Variants in CRYZL1 observed in about 807,000 individuals in gnomAD.
CRYZL1 encodes the protein ferry endosomal RAB5 effector complex subunit 4.
Under a neutral mutation model 50.6 loss-of-function variants are expected in CRYZL1, and 34 were observed. That is an observed-to-expected ratio of 0.67 (90% CI 0.51 to 0.89). The LOEUF is 0.89. Among genes scored for constraint, CRYZL1 ranks in the 40% least tolerant of loss-of-function variants. CRYZL1 has a pLI of 0.00. For missense variants in CRYZL1, 354 were observed against 402.3 expected (o/e 0.88, Z 1.03); for synonymous variants, 125 against 134.3 (o/e 0.93, Z 0.48).
chr21:33,614,404 G>A (rs540075960), intron 5 of CRYZL1, among the ~76,000 whole-genome samples: 1 of 152,092 alleles, frequency 6.6e-6, no homozygotes, highest in African/African-American at 2.4e-5. Flanking sequence ...CAGGAGGACT[G>A]CTTGAGTCCA....
chr21:33,637,271 C>T (rs904766051), intron 1 of CRYZL1, among the ~76,000 whole-genome samples: 1 of 151,860 alleles, frequency 6.6e-6, no homozygotes, highest in African/African-American at 2.4e-5. Context: ...CGGTGAAACC[C>T]CGTCTCTACT....
intron 11 of CRYZL1, among the ~76,000 whole-genome samples, chr21:33,593,500 T>A (rs534160821): frequency 6.6e-6 from 1 of 152,250 alleles, no homozygotes; most frequent in African/African-American, 2.4e-5. Flanking sequence ...AATTCTTACC[T>A]GTGTGCAAAG....
At chr21:33,595,186 C>T in intron 11 of CRYZL1, 1 of 1,132,542 alleles carries the variant, frequency 8.8e-7, no homozygotes, top group East Asian at 6.4e-5. Flanking sequence ...GCTTCAATCA[C>T]ACCAGACTTA....
intron 1 of CRYZL1, among the ~76,000 whole-genome samples, chr21:33,631,854 G>C (rs1456887510): frequency 6.6e-6 from 1 of 152,030 alleles, no homozygotes; most frequent in African/African-American, 2.4e-5. Context: ...CCTTATGATG[G>C]CCAGAGAAAC....
At chr21:33,596,909 C>T (rs1157862213) in intron 10 of CRYZL1, among the ~76,000 whole-genome samples, 1 of 150,536 alleles carries the variant, frequency 6.6e-6, no homozygotes, top group African/African-American at 2.4e-5. Context: ...GTGACCCAGG[C>T]TGGTGTGGAG....
At chr21:33,609,462 G>T (rs1376363671) in intron 6 of CRYZL1, among the ~76,000 whole-genome samples, 1 of 151,894 alleles carries the variant, frequency 6.6e-6, no homozygotes, top group Non-Finnish European at 1.5e-5. Flanking sequence ...ACCATATCTA[G>T]TTATTATTTA....
chr21:33,613,268 G>T (rs916459777), intron 6 of CRYZL1, among the ~76,000 whole-genome samples: 2 of 152,162 alleles, frequency 1.3e-5, no homozygotes, highest in African/African-American at 4.8e-5. Flanking sequence ...AGCCAAGAGA[G>T]AAATCACTTT....
chr21:33,592,085 A>G (rs1196672320), intron 11 of CRYZL1, among the ~76,000 whole-genome samples: 4 of 150,984 alleles, frequency 2.6e-5, no homozygotes, highest in Non-Finnish European at 4.4e-5. Context: ...TACTATGTAG[A>G]TAGTGGTTAT....
At chr21:33,593,539 A>G (rs746100314) in intron 11 of CRYZL1, among the ~76,000 whole-genome samples, 1 of 152,252 alleles carries the variant, frequency 6.6e-6, no homozygotes, top group Admixed American at 6.5e-5. Flanking sequence ...GAAAATGTAC[A>G]GTATTTCATA....
intron 1 of CRYZL1, among the ~76,000 whole-genome samples, chr21:33,635,869 T>G (rs1293330401): frequency 6.6e-6 from 1 of 151,874 alleles, no homozygotes; most frequent in Non-Finnish European, 1.5e-5. Flanking sequence ...TAGTCCCAGC[T>G]ACTCGGGAGG....
intron 2 of CRYZL1, among the ~76,000 whole-genome samples, chr21:33,629,503 T>C (rs1000744630): frequency 1.3e-5 from 2 of 152,238 alleles, no homozygotes; most frequent in Non-Finnish European, 2.9e-5. Flanking sequence ...GCTCAGGCAA[T>C]CCACCCGCCT....
At chr21:33,613,271 A>G (rs1443857904) in intron 6 of CRYZL1, among the ~76,000 whole-genome samples, 3 of 152,240 alleles carry the variant, frequency 2.0e-5, no homozygotes, top group African/African-American at 7.2e-5. Context: ...CAAGAGAGAA[A>G]TCACTTTTCA....
chr21:33,595,090 T>C, intron 11 of CRYZL1: 1 of 789,426 alleles, frequency 1.3e-6, no homozygotes, highest in Non-Finnish European at 1.6e-6. Context: ...AAGTTGACCC[T>C]ACTCTAAAGA....
chr21:33,622,236 G>T (rs1334067075), intron 3 of CRYZL1, among the ~76,000 whole-genome samples, 168 bp from the exon 4 acceptor site: 1 of 152,116 alleles, frequency 6.6e-6, no homozygotes, highest in Non-Finnish European at 1.5e-5. Context: ...TTCTCTAAAG[G>T]GTAGGAAACC....
chr21:33,604,134 G>A (rs1343264159), intron 6 of CRYZL1, among the ~76,000 whole-genome samples: 3 of 152,188 alleles, frequency 2.0e-5, no homozygotes, highest in East Asian at 1.9e-4. Context: ...TTGGGAGGCC[G>A]AGGCGGGCGG....
At chr21:33,620,593 T>C (rs1011232977) in intron 4 of CRYZL1, among the ~76,000 whole-genome samples, 1 of 150,506 alleles carries the variant, frequency 6.6e-6, no homozygotes, top group Non-Finnish European at 1.5e-5. Flanking sequence ...GGCAGATCAC[T>C]TGAGGTCAGG....
intron 9 of CRYZL1, among the ~76,000 whole-genome samples, chr21:33,598,095 C>A (rs1460211793): frequency 6.6e-6 from 1 of 152,118 alleles, no homozygotes; most frequent in Non-Finnish European, 1.5e-5. Context: ...AAAAGTCTAT[C>A]TTCATTTGAA....
rs1176616953 is a variant in CRYZL1, at chr21:33,624,870, TA to T, written c.67-111del. ...TAATTAAACAAAATTAGACAGACCC[TA>T]AATCTCACAGCTAATTTTAACAACT... On this transcript the variant is annotated intron_variant, in intron 2 of 12. Coordinates refer to ENST00000381554, the MANE Select transcript of CRYZL1 (RefSeq NM_145858.3). 1.3e-5 allele frequency: 18 copies of T among 1,370,584 alleles called. No individual in the cohort carries two copies. The South Asian group carries it at 2.2e-4, about 17-fold the overall frequency. 84.9% of individuals were successfully genotyped at this position (1,370,584 alleles called of 1,614,324 possible). A position where few individuals can be genotyped will look rare whatever the true frequency, so the allele number is the denominator to read the frequency against.
intron 2 of CRYZL1, among the ~76,000 whole-genome samples, chr21:33,631,208 C>T (rs568951325): frequency 3.3e-5 from 5 of 152,196 alleles, no homozygotes; most frequent in Non-Finnish European, 7.3e-5. Flanking sequence ...CTGATTTGAT[C>T]ATTACATAAT....
Sources: allele counts gnomAD v4.1 joint callset (sites outside exome capture counted in the v4.1 genomes callset), GRCh38; gene constraint gnomAD v4.1.1; transcripts MANE v1.5; gene names NCBI Gene and HGNC (gene_info 2026-07-23, HGNC 2026-07-21).